RC3H2: variants seen among roughly 807,000 people sequenced by gnomAD.
RC3H2 encodes ring finger and CCCH-type domains 2.
Under a neutral mutation model 133.3 loss-of-function variants are expected in RC3H2, and 31 were observed. The observed-to-expected ratio is 0.23, with a 90% CI of 0.17 to 0.31. The LOEUF is 0.31. Among genes scored for constraint, RC3H2 ranks in the 10% least tolerant of loss-of-function variants. RC3H2 has a pLI of 1.00. For missense variants in RC3H2, 1,175 were observed against 1,437.2 expected (o/e 0.82, Z 2.95); for synonymous variants, 517 against 502.2 (o/e 1.03, Z -0.40).
intron 3 of RC3H2, among the ~76,000 whole-genome samples, chr9:122,890,901 C>G (rs913717300): frequency 6.6e-6 from 1 of 151,988 alleles, no homozygotes; most frequent in African/African-American, 2.4e-5. Context: ...AATTTTCCCT[C>G]TTTACTTGAA....
intron 3 of RC3H2, among the ~76,000 whole-genome samples, chr9:122,892,274 G>T (rs1434315188): frequency 6.6e-6 from 1 of 152,128 alleles, no homozygotes; most frequent in African/African-American, 2.4e-5. Flanking sequence ...ACCATGCCCA[G>T]CTAATTTTTT....
At chr9:122,901,159 C>A (rs1564324565) in intron 1 of RC3H2, among the ~76,000 whole-genome samples, 1 of 152,178 alleles carries the variant, frequency 6.6e-6, no homozygotes, top group Non-Finnish European at 1.5e-5. Flanking sequence ...ATGTATACAT[C>A]ATTTTACAAT....
chr9:122,897,279 C>G lies in RC3H2; in HGVS notation c.231G>C (p.Gln77His), dbSNP rs925438604. Reference protein sequence around the residue: ...NFALLQLVGAQVPDHQSIKLS... With the variant: ...NFALLQLVGAHVPDHQSIKLS... Reference sequence around the variant, plus strand: ...CTATAGTAAAATCTTGAATGCTTACCTGGGCTCCAACTAACTGGAGAAGTG... The same window carrying G: ...CTATAGTAAAATCTTGAATGCTTACGTGGGCTCCAACTAACTGGAGAAGTG... The change falls in exon 2 of 21, where the codon CAG becomes CAC. Residue 77 changes from glutamine to histidine, a missense_variant and splice_region_variant. Physicochemically the swap from Gln to His is conservative, Grantham distance 24 (BLOSUM62 0). This residue lies in a region of RC3H2 where 30 missense variants were observed against 25.2 expected (regional missense o/e 1.19). Coordinates refer to ENST00000357244, the MANE Select transcript of RC3H2 (RefSeq NM_001100588.3). The G allele has an allele frequency of 1.2e-6, 2 of 1,613,784 alleles. No individual in the cohort carries two copies. The highest frequency in any genetic ancestry group is 1.7e-6 in the Non-Finnish European group (2 of 1,179,778).
At chr9:122,904,819 C>T (rs551453465) in intron 1 of RC3H2, among the ~76,000 whole-genome samples, 45 of 152,286 alleles carry the variant, frequency 3.0e-4, no homozygotes, top group African/African-American at 9.9e-4. Context: ...GAAGCCGGGC[C>T]TTTGCTTGGG....
At chr9:122,874,266 A>G (rs1015317548) in intron 9 of RC3H2, 27 of 152,178 alleles carry the variant, frequency 1.8e-4, no homozygotes, top group Admixed American at 1.4e-3. Context: ...GCTAGAGGAT[A>G]AAATCAGGAT....
intron 1 of RC3H2, among the ~76,000 whole-genome samples, chr9:122,901,667 C>G (rs368794916): frequency 1.3e-5 from 2 of 148,736 alleles, no homozygotes; most frequent in African/African-American, 5.0e-5. Context: ...TTTCGGCTCA[C>G]TGCAACCTCC....
chr9:122,867,913 CAG>C lies in RC3H2; in HGVS notation c.1326-2258_1326-2257del, dbSNP rs1830793268. Among the ~76,000 whole-genome samples, 2 of 32,276 alleles carry C rather than the reference CAG, an allele frequency of 6.2e-5. 1 individual carries two copies. The highest frequency in any genetic ancestry group is 4.7e-4 in the Admixed American group (2 of 4,284). 21.2% of individuals were successfully genotyped at this position (32,276 alleles called of 152,430 possible). On this transcript the variant is annotated intron_variant, in intron 9 of 20. Coordinates refer to ENST00000357244, the MANE Select transcript of RC3H2 (RefSeq NM_001100588.3). ...GAGGTGGGGGGGTCAGCCCCCCGCCCAGCCAGCCGCCCCGTCCGGGAGGGAGG... is the reference window on the plus strand; with the variant it reads ...GAGGTGGGGGGGTCAGCCCCCCGCCCCCAGCCGCCCCGTCCGGGAGGGAGG...
intron 4 of RC3H2, among the ~76,000 whole-genome samples, chr9:122,884,190 G>C (rs1831788909): frequency 6.6e-6 from 1 of 152,042 alleles, no homozygotes; most frequent in Non-Finnish European, 1.5e-5. Flanking sequence ...TTACTTGGGA[G>C]GCTGAGGCAG....
intron 9 of RC3H2, among the ~76,000 whole-genome samples, chr9:122,872,818 T>C (rs1831157269): frequency 6.6e-6 from 1 of 152,140 alleles, no homozygotes; most frequent in Non-Finnish European, 1.5e-5. Context: ...ACTCCTGACC[T>C]CAAGTGATAC....
rs570970513 is a variant in RC3H2 at position 122,868,335 on chromosome 9, T to C, written c.1326-2678A>G. ...GTGGGGAAAAGATTGAGAAATCGGA[T>C]GGTTGCCGTGTCTGTGTGGAAAGAA... is the stretch of plus-strand genomic sequence containing the variant. On this transcript the variant is annotated intron_variant, in intron 9 of 20. Transcript: ENST00000357244. Among the ~76,000 whole-genome samples the C allele has an allele frequency of 6.6e-5, 10 of 152,296 alleles. No individual in the cohort carries two copies. In the East Asian group the frequency reaches 1.7e-3, roughly 26 times the overall value.
chr9:122,849,890 A>G lies in RC3H2; in HGVS notation c.3381-68T>C, dbSNP rs932416588. 10 of 1,092,600 alleles carry G rather than the reference A, an allele frequency of 9.2e-6. 1 individual carries two copies. In the African/African-American group the frequency reaches 1.1e-4, roughly 12 times the overall value. 67.7% of individuals were successfully genotyped at this position (1,092,600 alleles called of 1,614,324 possible). On this transcript the variant is annotated intron_variant, in intron 20 of 20. Transcript: ENST00000357244. ...TGCAAACTGTTAAGGGTGACTATAC[A>G]TATTTAATGAAAGCTACAGCAAACT...
At chr9:122,886,524 G>A (rs1376037061) in intron 4 of RC3H2, among the ~76,000 whole-genome samples, 1 of 152,076 alleles carries the variant, frequency 6.6e-6, no homozygotes, top group East Asian at 1.9e-4. Flanking sequence ...CATTCTCCAC[G>A]TTCTCATCAA....
chr9:122,899,215 G>C (rs750754380), intron 1 of RC3H2, among the ~76,000 whole-genome samples: 1 of 140,096 alleles, frequency 7.1e-6, no homozygotes, highest in Non-Finnish European at 1.5e-5. Flanking sequence ...TGATTCTCCC[G>C]CCTTGGCCTC....
Position 122,854,629 on chromosome 9 carries a change from G to A in RC3H2, c.2816-14C>T. ...AAGGGACATAATCTACAGACATGTA[G>A]AATGAAACAATGGTCAAAAAAGTGA... On this transcript the variant is annotated splice_polypyrimidine_tract_variant and intron_variant, in intron 15 of 20. Coordinates refer to ENST00000357244, the MANE Select transcript of RC3H2 (RefSeq NM_001100588.3). The A allele has an allele frequency of 6.3e-7, 1 of 1,576,294 alleles. No individual in the cohort carries two copies. The highest frequency in any genetic ancestry group is 8.7e-7 in the Non-Finnish European group (1 of 1,145,552).
intron 9 of RC3H2, among the ~76,000 whole-genome samples, chr9:122,873,266 T>G (rs987422190): frequency 6.6e-6 from 1 of 152,234 alleles, no homozygotes; most frequent in Non-Finnish European, 1.5e-5. Flanking sequence ...CACCTACTTT[T>G]CTAATCCTTT....
intron 9 of RC3H2, among the ~76,000 whole-genome samples, chr9:122,876,852 T>A (rs1471901528): frequency 6.6e-6 from 1 of 152,086 alleles, no homozygotes; most frequent in Non-Finnish European, 1.5e-5. Flanking sequence ...GGAAAAAGAA[T>A]GTTAAAAAGA....
chr9:122,904,760 G>C (rs948284589), intron 1 of RC3H2, among the ~76,000 whole-genome samples: 1 of 152,206 alleles, frequency 6.6e-6, no homozygotes, highest in African/African-American at 2.4e-5. Flanking sequence ...ACTTGGTTTC[G>C]AGGACCTCTT....
At chr9:122,854,792 C>T (rs1830178346) in intron 15 of RC3H2, among the ~76,000 whole-genome samples, 177 bp from the exon 16 acceptor site, 1 of 152,140 alleles carries the variant, frequency 6.6e-6, no homozygotes, top group Admixed American at 6.5e-5. Flanking sequence ...TTCCATTTCA[C>T]AAGTTGGGGA....
At chr9:122,904,739 G>C (rs779372553) in intron 1 of RC3H2, among the ~76,000 whole-genome samples, 74 of 152,194 alleles carry the variant, frequency 4.9e-4, no homozygotes, top group Non-Finnish European at 6.5e-4. Flanking sequence ...AAGCTGAAAA[G>C]CTAGGAGAAG....
Sources: gnomAD v4.1 joint callset for allele counts (sites outside exome capture counted in the v4.1 genomes callset) on GRCh38, gnomAD v4.1.1 for gene constraint, gnomAD v4.1.1 regional missense constraint, MANE v1.5 for transcripts, NCBI Gene and HGNC (gene_info 2026-07-23, HGNC 2026-07-21) for gene names.